The following CDON variants were observed in gnomAD, a reference collection of about 807,000 sequenced individuals.
The protein encoded by CDON is cell adhesion associated, oncogene regulated, also known as cell adhesion molecule-related/down-regulated by oncogenes.
Under a neutral mutation model 120.9 loss-of-function variants are expected in CDON, and 73 were observed. The ratio of observed to expected loss-of-function variants is 0.60; its 90% CI spans 0.50 to 0.73. The LOEUF (loss-of-function observed/expected upper bound fraction) is 0.73. CDON is among the 30% of genes least tolerant of loss of function. CDON has a pLI of 0.00. For synonymous variants in CDON, 566 were observed against 573.5 expected, an observed-to-expected ratio of 0.99 and a Z score of 0.19; for missense variants, 1,470 against 1,587.3, an observed-to-expected ratio of 0.93 and a Z score of 1.26.
chr11:126,028,725 T>C (rs1947868014), intron 1 of CDON, among the ~76,000 whole-genome samples: 1 of 151,036 alleles, frequency 6.6e-6, no homozygotes, highest in Admixed American at 6.6e-5. Flanking sequence ...TATTTATTTA[T>C]TTATTTATTT....
rs926635931 is a variant in CDON at position 126,060,779 on chromosome 11, C to G, written c.-62+1800G>C. Among the ~76,000 whole-genome samples, 5 of 152,194 alleles carry G rather than the reference C, an allele frequency of 3.3e-5. No individual in the cohort carries two copies. The East Asian group carries it at 9.6e-4, about 29-fold the overall frequency. ...CTGCCTTCAGCTGTATATACCCTGA[C>G]GATCTGGAGGAGAAAGTCCTATCTT... is the stretch of plus-strand genomic sequence containing the variant. On this transcript the variant is annotated intron_variant, in intron 1 of 19. Transcript: ENST00000531738.
intron 1 of CDON, among the ~76,000 whole-genome samples, chr11:126,024,133 G>A (rs1464520211): frequency 6.6e-6 from 1 of 152,192 alleles, no homozygotes; most frequent in African/African-American, 2.4e-5. Context: ...AGTGGGATAA[G>A]CCAAGAAAAG....
chr11:125,989,739 T>C lies in CDON; in HGVS notation c.2671A>G (p.Ile891Val). 1 of 1,613,122 alleles carries C rather than the reference T, an allele frequency of 6.2e-7. No homozygotes were observed. Among genetic ancestry groups the C allele is most frequent in the Non-Finnish European group, 8.5e-7 (1 of 1,179,284 alleles). The change falls in exon 15 of 20, where the codon ATT (isoleucine) becomes GTT (valine). Residue 891 changes from isoleucine (I) to valine (V), a missense_variant. By Grantham distance (29) the Ile-to-Val change is conservative (BLOSUM62 3). Transcript: ENST00000531738. Reference sequence around the variant, plus strand: ...GAGGTTTCTGGCTGCAGGTGGCCAATCATGTGCCACTGCTTTGAACCTAAA... The same window carrying C: ...GAGGTTTCTGGCTGCAGGTGGCCAACCATGTGCCACTGCTTTGAACCTAAA... Reference protein sequence around the residue: ...VVEGSKQWHMIGHLQPETSYD... With the variant: ...VVEGSKQWHMVGHLQPETSYD...
chr11:125,977,303 G>A (rs1315421841), intron 18 of CDON, among the ~76,000 whole-genome samples: 1 of 152,166 alleles, frequency 6.6e-6, no homozygotes, highest in Non-Finnish European at 1.5e-5. Context: ...AAGCTCTGTT[G>A]CTTTTGTTCT....
In CDON at chr11:126,015,242, A is replaced by G; in HGVS notation, c.1197T>C (p.Asn399=). 5 of 1,613,820 alleles carry G rather than the reference A, an allele frequency of 3.1e-6. No homozygotes were observed. The highest frequency in any genetic ancestry group is 4.2e-6 in the Non-Finnish European group (5 of 1,179,734). ...MHSTGRLEIE[N]DGGFKPVIIT... ...GACTGGCACGACCTAAAAGCCTACC[A>G]TTTTCAATTTCAAGTCTTCCAGTAG... The change falls in exon 7 of 20, where the codon AAT becomes AAC. Residue 399 remains asparagine (N), a splice_region_variant and synonymous_variant. Transcript: ENST00000531738.
Position 125,963,308 on chromosome 11 carries a change from T to C in CDON, c.3357-1310A>G, listed in dbSNP as rs79838697. 8.0e-3 allele frequency among the ~76,000 whole-genome samples: 1,212 copies of C among 152,200 alleles called. 10 individuals carry two copies. The highest frequency in any genetic ancestry group is 0.011 in the Non-Finnish European group (765 of 68,010). Reference sequence around the variant, plus strand: ...GTTGGAGCCTTAGTGACACTTTTTTTCCCCCCTATAATTGGGAGTAAGAAA... The same window carrying C: ...GTTGGAGCCTTAGTGACACTTTTTTCCCCCCCTATAATTGGGAGTAAGAAA... On this transcript the variant is annotated intron_variant, in intron 18 of 19. Coordinates refer to ENST00000531738, the MANE Select transcript of CDON (RefSeq NM_001378964.1).
At chr11:126,002,222 G>C (rs1946967505) in intron 10 of CDON, among the ~76,000 whole-genome samples, 1 of 152,124 alleles carries the variant, frequency 6.6e-6, no homozygotes, top group Non-Finnish European at 1.5e-5. Context: ...CTTCTGCTAA[G>C]TTTTCTAAGG....
At chr11:125,975,378 A>AG (rs201777461) in intron 18 of CDON, among the ~76,000 whole-genome samples, 4,725 of 152,212 alleles carry the variant, frequency 0.031, 267 homozygotes, top group African/African-American at 0.11. Flanking sequence ...ACTCAATAAA[A>AG]GGCCTTGTTT....
chr11:126,058,714 C>T (rs1423605383), intron 1 of CDON, among the ~76,000 whole-genome samples: 2 of 152,182 alleles, frequency 1.3e-5, no homozygotes, highest in African/African-American at 4.8e-5. Flanking sequence ...ACACCATCCA[C>T]CATTCAGAAC....
At chr11:126,023,250 A>G (rs1160035892) in intron 2 of CDON, 151 bp downstream of exon 2, 6 of 763,064 alleles carry the variant, frequency 7.9e-6, no homozygotes, top group Non-Finnish European at 1.4e-5. Context: ...TGCTTAATTT[A>G]TCGAGTTTTT....
At chr11:126,031,907 C>T (rs1276019899) in intron 1 of CDON, among the ~76,000 whole-genome samples, 6 of 152,146 alleles carry the variant, frequency 3.9e-5, no homozygotes, top group African/African-American at 7.2e-5. Flanking sequence ...GCATAATAAA[C>T]TCAGTGCATT....
chr11:125,973,944 G>A (rs770593036), intron 18 of CDON, among the ~76,000 whole-genome samples: 12 of 151,556 alleles, frequency 7.9e-5, no homozygotes, highest in Non-Finnish European at 1.6e-4. Flanking sequence ...TGCCCAGCCT[G>A]GAGTGCAGTG....
At chr11:126,023,045 C>T (rs1947683299) in intron 2 of CDON, among the ~76,000 whole-genome samples, 1 of 152,204 alleles carries the variant, frequency 6.6e-6, no homozygotes, top group Non-Finnish European at 1.5e-5. Context: ...GATTCTAAAA[C>T]TTCTCTTTGG....
At position 125,981,228 on chromosome 11, in the gene CDON, G is replaced by C. The variant is rs1285173001; in HGVS notation, c.3097C>G (p.His1033Asp). The C allele has an allele frequency of 6.2e-7, 1 of 1,614,174 alleles. No individual in the cohort carries two copies. The highest frequency in any genetic ancestry group is 8.5e-7 in the Non-Finnish European group (1 of 1,180,024). Residue 1033 changes from histidine to aspartate, a missense_variant, in exon 17 of 20, where the codon CAC (histidine) becomes GAC (aspartate). His to Asp is a moderately conservative substitution (Grantham distance 81). Coordinates refer to ENST00000531738, the MANE Select transcript of CDON (RefSeq NM_001378964.1). ...CCGCCATTGGTTAGGAAGCCTCCGT[G>C]AACATTTCCATTTATCTGACTTGCT... is the stretch of plus-strand genomic sequence containing the variant. ...SGASQINGNV[H>D]GGFLTNGGLS...
chr11:125,981,520 T>G (rs1461687295), intron 16 of CDON, among the ~76,000 whole-genome samples, 191 bp from the exon 17 acceptor site: 1 of 152,136 alleles, frequency 6.6e-6, no homozygotes, highest in Admixed American at 6.5e-5. Flanking sequence ...ACAAATAGAC[T>G]AAAATAAAAA....
intron 1 of CDON, among the ~76,000 whole-genome samples, chr11:126,045,491 G>A (rs1302803511): frequency 6.6e-6 from 1 of 151,678 alleles, no homozygotes; most frequent in Non-Finnish European, 1.5e-5. Context: ...CAATCTAAAC[G>A]TTTTTAAAAT....
At chr11:126,035,797 C>G (rs1591413286) in intron 1 of CDON, among the ~76,000 whole-genome samples, 1 of 152,202 alleles carries the variant, frequency 6.6e-6, no homozygotes, top group South Asian at 2.1e-4. Context: ...AATAGAAAAA[C>G]AAATCAATTA....
rs570504605 is a variant in CDON, at chr11:125,971,361, C to A, written c.3356+6943G>T. Among the ~76,000 whole-genome samples the A allele has an allele frequency of 1.0e-4, 15 of 145,394 alleles. No individual in the cohort carries two copies. The South Asian group carries it at 1.8e-3, about 17-fold the overall frequency. On this transcript the variant is annotated intron_variant, in intron 18 of 19. Transcript: ENST00000531738. ...TCGCACCACTGCACTCCAGCCTGGG[C>A]GACACAGCGAGACTCTGTCTCTAAA...
intron 1 of CDON, among the ~76,000 whole-genome samples, chr11:126,055,309 G>A (rs1402142301): frequency 2.0e-5 from 3 of 152,116 alleles, no homozygotes; most frequent in Non-Finnish European, 2.9e-5. Context: ...GATAAAGAAG[G>A]CCCACTTCTA....
Sources: allele counts gnomAD v4.1 joint callset (sites outside exome capture counted in the v4.1 genomes callset), GRCh38; gene constraint gnomAD v4.1.1; transcripts MANE v1.5; gene names NCBI Gene and HGNC (gene_info 2026-07-23, HGNC 2026-07-21).